The following NSUN6 variants were observed in gnomAD, a reference collection of about 807,000 sequenced individuals.
The protein encoded by NSUN6 is tRNA (cytosine(72)-C(5))-methyltransferase NSUN6.
Under a neutral mutation model 58.0 loss-of-function variants are expected in NSUN6, and 64 were observed. The observed-to-expected ratio is 1.10, with a 90% CI of 0.90 to 1.36. The LOEUF is 1.36. Ranked by LOEUF, NSUN6 falls within the 40% of genes most tolerant of loss-of-function variation. The pLI, the probability that NSUN6 is intolerant of heterozygous loss-of-function variation, is 0.00. For missense variants in NSUN6, 701 were observed against 550.1 expected, an observed-to-expected ratio of 1.27 and a Z score of -2.74; for synonymous variants, 231 against 193.9, an observed-to-expected ratio of 1.19 and a Z score of -1.59.
intron 8 of NSUN6, among the ~76,000 whole-genome samples, chr10:18,553,074 T>C (rs548793572): frequency 6.6e-6 from 1 of 151,640 alleles, no homozygotes; most frequent in East Asian, 2.0e-4. Flanking sequence ...TCCATTCCAT[T>C]AAATTCCATC....
rs1299856328 is a variant in NSUN6 at position 18,585,977 on chromosome 10, A to T, written c.894T>A (p.Val298=). 6.2e-7 allele frequency: 1 copy of T among 1,608,452 alleles called. No individual in the cohort carries two copies. Residue 298 remains valine (V), a synonymous_variant, in exon 8 of 11, where the codon GTT becomes GTA. Transcript: ENST00000377304. ...RAFCFDGTKA[V]KLDMVEDTEG... The stretch of plus-strand genomic sequence containing the variant: ...CTGTGTCCTCCACCATATCAAGTTT[A>T]ACCGCCTTTGTTCCATCAAAACAAA...
chr10:18,555,366 T>C (rs1439814035), intron 8 of NSUN6, among the ~76,000 whole-genome samples: 3 of 150,212 alleles, frequency 2.0e-5, no homozygotes, highest in Admixed American at 6.6e-5. Context: ...GAGAATGGAA[T>C]GGAATGGAGA....
intron 3 of NSUN6, among the ~76,000 whole-genome samples, chr10:18,629,696 A>G (rs2058959481): frequency 6.6e-6 from 1 of 151,554 alleles, no homozygotes; most frequent in Admixed American, 6.6e-5. Context: ...TTCAACAAGA[A>G]GAGCTAACTA....
chr10:18,556,133 T>TGAATGGAGAATGGAATG (rs1218349574), intron 8 of NSUN6, among the ~76,000 whole-genome samples: 12 of 124,678 alleles, frequency 9.6e-5, no homozygotes, highest in Non-Finnish European at 1.7e-4. Context: ...GGGATGGACA[T>TGAATGGAGAATGGAATG]GAATGGAGAA....
intron 7 of NSUN6, among the ~76,000 whole-genome samples, chr10:18,587,661 G>A (rs1046405161): frequency 1.8e-4 from 28 of 152,216 alleles, no homozygotes; most frequent in South Asian, 6.2e-4. Flanking sequence ...AGGATGGGGC[G>A]TCACTCACCC....
chr10:18,638,319 G>A lies in NSUN6; in HGVS notation c.311+4157C>T, dbSNP rs191777996. Among the ~76,000 whole-genome samples the A allele has an allele frequency of 3.8e-3, 576 of 152,234 alleles. 4 individuals carry two copies. The highest frequency in any genetic ancestry group is 0.013 in the African/African-American group (524 of 41,542). On this transcript the variant is annotated intron_variant, in intron 3 of 10. Coordinates refer to ENST00000377304, the MANE Select transcript of NSUN6 (RefSeq NM_182543.5). ...TAGCTGGGCATGGTGGCAGCTGCCTGTAATCTCAACTACTCGGGAGCATGA... is the reference window on the plus strand; with the variant it reads ...TAGCTGGGCATGGTGGCAGCTGCCTATAATCTCAACTACTCGGGAGCATGA...
chr10:18,562,925 AAGAATGGAATGGAATGG>A lies in NSUN6; in HGVS notation c.923-10971_923-10955del, dbSNP rs1384290866. Among the ~76,000 whole-genome samples, 13 of 142,840 alleles carry A rather than the reference AAGAATGGAATGGAATGG, an allele frequency of 9.1e-5. No homozygotes were observed. In the South Asian group the frequency reaches 2.6e-3, roughly 29 times the overall value. 93.7% of individuals were successfully genotyped at this position (142,840 alleles called of 152,430 possible). A position where few individuals can be genotyped will look rare whatever the true frequency, so the allele number is the denominator to read the frequency against. ...ATGGAAGGAAGAATGGAATGGAAGG[AAGAATGGAATGGAATGG>A]AGAATGGAATGGAATGTAGTGAAAA... On this transcript the variant is annotated intron_variant, in intron 8 of 10. Coordinates refer to ENST00000377304, the MANE Select transcript of NSUN6 (RefSeq NM_182543.5).
At chr10:18,617,744 T>A (rs139583287) in intron 3 of NSUN6, among the ~76,000 whole-genome samples, 45 of 152,218 alleles carry the variant, frequency 3.0e-4, no homozygotes, top group African/African-American at 1.0e-3. Flanking sequence ...GGCAACTTAA[T>A]CCCTAGTGCA....
intron 6 of NSUN6, among the ~76,000 whole-genome samples, chr10:18,607,589 T>C (rs890779991): frequency 1.3e-5 from 2 of 152,190 alleles, no homozygotes; most frequent in African/African-American, 4.8e-5. Flanking sequence ...AGAAATTTAA[T>C]GTAATATATG....
At chr10:18,596,370 C>G (rs1032261465) in intron 6 of NSUN6, 43 bp from the exon 7 acceptor site, 7 of 1,394,352 alleles carry the variant, frequency 5.0e-6, no homozygotes, top group Non-Finnish European at 6.1e-6. Flanking sequence ...AATCCTAAAG[C>G]ATTTTTAATT....
intron 8 of NSUN6, among the ~76,000 whole-genome samples, chr10:18,560,312 T>G (rs567915460): frequency 2.7e-4 from 39 of 144,930 alleles, no homozygotes; most frequent in African/African-American, 8.9e-4. Flanking sequence ...ATAGAATGGA[T>G]AATGGAATGG....
chr10:18,630,527 A>G (rs1285610859), intron 3 of NSUN6, among the ~76,000 whole-genome samples: 1 of 152,200 alleles, frequency 6.6e-6, no homozygotes. Flanking sequence ...TAAAGAAAAA[A>G]AGAGAGAAGA....
chr10:18,607,228 T>C (rs958465109), intron 6 of NSUN6, among the ~76,000 whole-genome samples: 1 of 152,240 alleles, frequency 6.6e-6, no homozygotes. Context: ...AGGCAACTTC[T>C]TGAAACATTT....
At chr10:18,644,092 A>T (rs1376660532) in intron 2 of NSUN6, among the ~76,000 whole-genome samples, 1 of 152,338 alleles carries the variant, frequency 6.6e-6, no homozygotes, top group East Asian at 1.9e-4. Context: ...AGTAAATTTA[A>T]AGAACTGTAC....
At chr10:18,634,598 CAA>C (rs35289727) in intron 3 of NSUN6, among the ~76,000 whole-genome samples, 2 of 134,482 alleles carry the variant, frequency 1.5e-5, no homozygotes, top group Non-Finnish European at 1.6e-5. Flanking sequence ...AAAAAAAATA[CAA>C]AAAAAAAAAA....
upstream of NSUN6, chr10:18,652,340 T>C: frequency 1.2e-5 from 12 of 983,546 alleles, no homozygotes; most frequent in Non-Finnish European, 1.4e-5. Flanking sequence ...TTCTATCACC[T>C]TGACATATGT....
intron 8 of NSUN6, among the ~76,000 whole-genome samples, chr10:18,569,659 C>T (rs2056221771): frequency 6.6e-6 from 1 of 150,892 alleles, no homozygotes; most frequent in African/African-American, 2.4e-5. Context: ...ATTATATTCA[C>T]TACTGCATTC....
chr10:18,546,300 T>TG (rs2054257263), intron 10 of NSUN6, among the ~76,000 whole-genome samples, 155 bp from the exon 11 acceptor site: 1 of 152,218 alleles, frequency 6.6e-6, no homozygotes, highest in South Asian at 2.1e-4. Flanking sequence ...GGAACATACG[T>TG]GCTGCTTTCC....
chr10:18,598,675 A>G (rs533839383), intron 6 of NSUN6, among the ~76,000 whole-genome samples: 365 of 152,318 alleles, frequency 2.4e-3, no homozygotes, highest in Middle Eastern at 0.02. Context: ...GGTTCCCCCA[A>G]GTTGCCCAGG....
Sources: gnomAD v4.1 joint callset for allele counts (sites outside exome capture counted in the v4.1 genomes callset) on GRCh38, gnomAD v4.1.1 for gene constraint, MANE v1.5 for transcripts, NCBI Gene and HGNC (gene_info 2026-07-23, HGNC 2026-07-21) for gene names.